RYR2: variants seen among roughly 807,000 people sequenced by gnomAD.
The protein encoded by RYR2 is cardiac muscle ryanodine receptor-calcium release channel.
Under a neutral mutation model 601.1 loss-of-function variants are expected in RYR2, and 227 were observed. The ratio of observed to expected loss-of-function variants is 0.38; its 90% CI spans 0.34 to 0.42. The LOEUF (loss-of-function observed/expected upper bound fraction) is 0.42, where lower values mean the gene tolerates loss of function less well. Among genes scored for constraint, RYR2 ranks in the 10% least tolerant of loss-of-function variants. RYR2 has a pLI of 1.00. For synonymous variants in RYR2, 2,223 were observed against 2,175.1 expected (o/e 1.02, Z -0.61); for missense variants, 4,646 against 6,156.5 (o/e 0.75, Z 8.21).
chr1:237,409,197 A>G (rs961892804), intron 10 of RYR2, among the ~76,000 whole-genome samples: 67 of 152,106 alleles, frequency 4.4e-4, no homozygotes, highest in Admixed American at 8.5e-4. Flanking sequence ...CTTCTGTTAC[A>G]GTCTTGAGTA....
At chr1:237,651,740 A>G (rs1682751848) in intron 51 of RYR2, among the ~76,000 whole-genome samples, 1 of 152,030 alleles carries the variant, frequency 6.6e-6, no homozygotes, top group Admixed American at 6.6e-5. Flanking sequence ...AAATCAATTG[A>G]AAAAAAAGGA....
intron 23 of RYR2, 151 bp from the exon 24 acceptor site, chr1:237,511,537 C>A (rs1023057156): frequency 1.7e-6 from 1 of 593,418 alleles, no homozygotes. Context: ...ATACTCACTG[C>A]GCCTGAGAGG....
intron 25 of RYR2, among the ~76,000 whole-genome samples, chr1:237,546,993 A>ATATATATATATATATATATATT (rs746133377): frequency 9.4e-4 from 120 of 127,362 alleles, no homozygotes; most frequent in Admixed American, 2.0e-3. Context: ...ATATATATAT[A>ATATATATATATATATATATATT]TATTTATTTA....
At chr1:237,628,973 C>A (rs1679972402) in intron 41 of RYR2, among the ~76,000 whole-genome samples, 1 of 151,926 alleles carries the variant, frequency 6.6e-6, no homozygotes, top group African/African-American at 2.4e-5. Flanking sequence ...AAAGTTAACA[C>A]CCCATATTCA....
chr1:237,530,138 C>T lies in RYR2; in HGVS notation c.2823-289C>T, dbSNP rs568291465. ...CATCCTGGCTAACACGGTGAAACCC[C>T]GTCTCTACTAAAAATACAAAAAATT... On this transcript the variant is annotated intron_variant, in intron 24 of 104. Transcript: ENST00000366574. 1.8e-4 allele frequency among the ~76,000 whole-genome samples: 27 copies of T among 151,934 alleles called. No individual in the cohort carries two copies. The East Asian group carries it at 2.5e-3, about 14-fold the overall frequency.
intron 1 of RYR2, among the ~76,000 whole-genome samples, chr1:237,269,057 T>TTTTTTTTTTTAGAC (rs1689410141): frequency 8.0e-6 from 1 of 124,980 alleles, no homozygotes; most frequent in South Asian, 2.7e-4. Context: ...TTTTTTTTTT[T>TTTTTTTTTTTAGAC]GTGAGACAGA....
chr1:237,755,876 C>T (rs1251633988), intron 80 of RYR2, among the ~76,000 whole-genome samples: 4 of 152,150 alleles, frequency 2.6e-5, no homozygotes, highest in African/African-American at 2.4e-5. Context: ...TACTTTGCAA[C>T]TCGAGCCATT....
intron 25 of RYR2, among the ~76,000 whole-genome samples, chr1:237,536,345 G>A (rs1304606763): frequency 1.3e-5 from 2 of 152,186 alleles, no homozygotes; most frequent in African/African-American, 4.8e-5. Context: ...GCCGAGGCAG[G>A]CGGATCACAA....
chr1:237,160,608 T>C (rs2148858965), intron 1 of RYR2, among the ~76,000 whole-genome samples: 1 of 152,240 alleles, frequency 6.6e-6, no homozygotes, highest in African/African-American at 2.4e-5. Context: ...TGTCTGAGTG[T>C]ATATTCATCC....
chr1:237,801,826 A>G, intron 97 of RYR2, 30 bp from the exon 98 acceptor site: 1 of 1,454,836 alleles, frequency 6.9e-7, no homozygotes, highest in Non-Finnish European at 9.4e-7. Flanking sequence ...AATGTGCATA[A>G]CTACGCATTT....
rs1705470022 is a variant in RYR2 at position 237,420,690 on chromosome 1, A to C, written c.849-2402A>C. On this transcript the variant is annotated intron_variant, in intron 11 of 104. Coordinates refer to ENST00000366574, the MANE Select transcript of RYR2 (RefSeq NM_001035.3). ...ATCCTCTTAGAGACTTCAAAGGAGC[A>C]CTGGTACATATGAGTTCTATTGAAT... Among the ~76,000 whole-genome samples, 3 of 152,330 alleles carry C rather than the reference A, an allele frequency of 2.0e-5. No individual in the cohort carries two copies. In the East Asian group the frequency reaches 5.8e-4, roughly 29 times the overall value.
chr1:237,072,892 G>A (rs910203469), intron 1 of RYR2, among the ~76,000 whole-genome samples: 4 of 144,884 alleles, frequency 2.8e-5, no homozygotes, highest in Non-Finnish European at 4.5e-5. Context: ...AAGTTGCAGC[G>A]AGCAGAGATC....
intron 10 of RYR2, among the ~76,000 whole-genome samples, chr1:237,414,011 C>A (rs1164158999): frequency 6.6e-6 from 1 of 151,988 alleles, no homozygotes; most frequent in Non-Finnish European, 1.5e-5. Flanking sequence ...TTGTCAATTT[C>A]TTTTCTTTTC....
chr1:237,420,014 G>A (rs1318354477), intron 11 of RYR2, among the ~76,000 whole-genome samples: 2 of 151,890 alleles, frequency 1.3e-5, no homozygotes, highest in African/African-American at 4.8e-5. Context: ...TGGGATACTC[G>A]GTCTTCTCTT....
chr1:237,460,163 C>A (rs1021824443), intron 16 of RYR2, among the ~76,000 whole-genome samples: 2 of 152,186 alleles, frequency 1.3e-5, no homozygotes, highest in Admixed American at 1.3e-4. Context: ...CTGTCAGCTC[C>A]TAGTACTGCA....
intron 24 of RYR2, among the ~76,000 whole-genome samples, chr1:237,525,084 G>T (rs1667439635): frequency 6.6e-6 from 1 of 152,048 alleles, no homozygotes; most frequent in Non-Finnish European, 1.5e-5. Flanking sequence ...AGTCAACATT[G>T]TACTTGACAG....
intron 4 of RYR2, among the ~76,000 whole-genome samples, chr1:237,361,234 T>C (rs1382829223): frequency 6.6e-6 from 1 of 152,158 alleles, no homozygotes; most frequent in African/African-American, 2.4e-5. Flanking sequence ...AGAATTGTTG[T>C]TAATTTTTTT....
rs1268038630 is a variant in RYR2, at chr1:237,819,775, G to A, written c.14590+583G>A. Among the ~76,000 whole-genome samples the A allele has an allele frequency of 2.0e-5, 3 of 151,532 alleles. No homozygotes were observed. The highest frequency in any genetic ancestry group is 2.0e-4 in the East Asian group (1 of 5,102). Reference sequence around the variant, plus strand: ...GGAGGTTGCAGTGAGCCAAGATCACGCCACTGCACTCCAGCCTGGGCAACA... The same window carrying A: ...GGAGGTTGCAGTGAGCCAAGATCACACCACTGCACTCCAGCCTGGGCAACA... On this transcript the variant is annotated intron_variant, in intron 101 of 104. Coordinates refer to ENST00000366574, the MANE Select transcript of RYR2 (RefSeq NM_001035.3). The surrounding 1 kb of genome is among the most constrained non-coding windows in gnomAD (Gnocchi z 4.0).
At chr1:237,771,490 G>A (rs1026808442) in intron 85 of RYR2, among the ~76,000 whole-genome samples, 17 of 151,506 alleles carry the variant, frequency 1.1e-4, no homozygotes, top group African/African-American at 3.9e-4. Context: ...CATTTCTTTT[G>A]CACCACTTCT....
Sources: allele counts gnomAD v4.1 joint callset (sites outside exome capture counted in the v4.1 genomes callset), GRCh38; gene constraint gnomAD v4.1.1; non-coding constraint Gnocchi (gnomAD v3.1); transcripts MANE v1.5; gene names NCBI Gene and HGNC (gene_info 2026-07-23, HGNC 2026-07-21).